Variants in MDGA2 observed in about 807,000 individuals in gnomAD.
MDGA2 encodes the protein MAM domain containing glycosylphosphatidylinositol anchor 2, also known as MAM domain-containing glycosylphosphatidylinositol anchor protein 2.
Under a neutral mutation model 117.8 loss-of-function variants are expected in MDGA2, and 40 were observed. The ratio of observed to expected loss-of-function variants is 0.34; its 90% CI spans 0.26 to 0.44. The LOEUF (loss-of-function observed/expected upper bound fraction) is 0.44, where lower values mean the gene tolerates loss of function less well. MDGA2 is among the 20% of genes least tolerant of loss of function. The probability of loss-of-function intolerance (pLI) is 1.00; values close to 1 mark genes in which losing one functional copy is unlikely to be tolerated. For missense variants in MDGA2, 1,123 were observed against 1,250.6 expected (o/e 0.90, Z 1.54); for synonymous variants, 452 against 439.0 (o/e 1.03, Z -0.37).
chr14:47,379,484 C>G (rs541665606), intron 1 of MDGA2, among the ~76,000 whole-genome samples: 5 of 152,210 alleles, frequency 3.3e-5, no homozygotes, highest in African/African-American at 1.2e-4. Flanking sequence ...ATCTCACGTG[C>G]AGAGACACAC....
chr14:47,263,103 G>T (rs1256119542), intron 2 of MDGA2, among the ~76,000 whole-genome samples: 1 of 152,028 alleles, frequency 6.6e-6, no homozygotes, highest in Non-Finnish European at 1.5e-5. Context: ...TTGCCTGCCT[G>T]CCAGTCTGGC....
rs78932566 is a variant in MDGA2 at position 46,847,452 on chromosome 14, A to G, written c.2884-1581T>C. On this transcript the variant is annotated intron_variant, in intron 15 of 16. Coordinates refer to ENST00000399232, the MANE Select transcript of MDGA2 (RefSeq NM_001113498.3). ...CAAGTTAGCAGTTTAGCAAATTCTC[A>G]GTCCTCAGATAGAATTTACAATGAA... is the stretch of plus-strand genomic sequence containing the variant. Among the ~76,000 whole-genome samples, 328 of 152,162 alleles carry G rather than the reference A, an allele frequency of 2.2e-3. 2 individuals carry two copies. Among genetic ancestry groups the G allele is most frequent in the African/African-American group, 7.6e-3 (317 of 41,570 alleles).
rs566260030 is a variant in MDGA2 at position 46,853,635 on chromosome 14, C to T, written c.2883+1389G>A. Among the ~76,000 whole-genome samples the T allele has an allele frequency of 2.7e-4, 40 of 150,684 alleles. 1 individual carries two copies. The South Asian group carries it at 4.0e-3, about 15-fold the overall frequency. On this transcript the variant is annotated intron_variant, in intron 15 of 16. Coordinates refer to ENST00000399232, the MANE Select transcript of MDGA2 (RefSeq NM_001113498.3). ...CTGAAAAGTTCTAAAAAAAAAACAA[C>T]AAGGATGCTATAATCAGTGGAAATC...
chr14:47,031,499 G>T (rs2138631769), intron 8 of MDGA2, among the ~76,000 whole-genome samples: 1 of 152,198 alleles, frequency 6.6e-6, no homozygotes, highest in East Asian at 1.9e-4. Context: ...GGCAGTTCCA[G>T]AATTTGTCAA....
At chr14:46,994,593 G>T (rs1887218342) in intron 8 of MDGA2, among the ~76,000 whole-genome samples, 1 of 151,626 alleles carries the variant, frequency 6.6e-6, no homozygotes, top group African/African-American at 2.4e-5. Context: ...ACATAAAAAT[G>T]AACATCAACA....
Position 47,531,657 on chromosome 14 carries a change from G to T in MDGA2, c.280+142860C>A, listed in dbSNP as rs555219723. 2.6e-5 allele frequency among the ~76,000 whole-genome samples: 4 copies of T among 152,282 alleles called. No homozygotes were observed. The South Asian group carries it at 8.3e-4, about 32-fold the overall frequency. On this transcript the variant is annotated intron_variant, in intron 1 of 16. Transcript: ENST00000399232. ...TTGTCATTCTATAGCACTAAACTAA[G>T]CAGTATTCTTTCATCTTAGTCGGGG...
rs1178533649 is a variant in MDGA2 at position 47,012,356 on chromosome 14, T to C, written c.1819+22655A>G. On this transcript the variant is annotated intron_variant, in intron 8 of 16. Coordinates refer to ENST00000399232, the MANE Select transcript of MDGA2 (RefSeq NM_001113498.3). ...TCAGAGTGAACATTTTCCACTGATT[T>C]ATTATATCATTTAGTAATTTTTTAT... is the stretch of plus-strand genomic sequence containing the variant. 2.0e-5 allele frequency among the ~76,000 whole-genome samples: 3 copies of C among 152,162 alleles called. No homozygotes were observed. In the East Asian group the frequency reaches 5.8e-4, roughly 29 times the overall value.
intron 1 of MDGA2, among the ~76,000 whole-genome samples, chr14:47,575,672 T>C (rs1896102823): frequency 6.6e-6 from 1 of 152,150 alleles, no homozygotes; most frequent in Non-Finnish European, 1.5e-5. Context: ...TTAGGGAACA[T>C]GTGTGTGAGC....
chr14:46,890,056 G>C (rs11157531), intron 10 of MDGA2, among the ~76,000 whole-genome samples: 1 of 151,970 alleles, frequency 6.6e-6, no homozygotes, highest in East Asian at 1.9e-4. Flanking sequence ...TTTGCTTTGG[G>C]AATTGCTCCT....
chr14:47,655,052 C>G (rs1010649803), intron 1 of MDGA2, among the ~76,000 whole-genome samples: 6 of 152,052 alleles, frequency 3.9e-5, no homozygotes, highest in Non-Finnish European at 7.4e-5. Flanking sequence ...TTTTAAAGAT[C>G]TAAAGGAGGC....
At chr14:47,000,400 A>AATATATAAAT (rs1555342236) in intron 8 of MDGA2, among the ~76,000 whole-genome samples, 3 of 115,604 alleles carry the variant, frequency 2.6e-5, no homozygotes, top group Non-Finnish European at 3.5e-5. Flanking sequence ...TTTATATATA[A>AATATATAAAT]ATATATATTT....
intron 3 of MDGA2, among the ~76,000 whole-genome samples, chr14:47,152,804 A>T (rs902658887): frequency 2.0e-5 from 3 of 152,232 alleles, no homozygotes; most frequent in Admixed American, 6.5e-5. Context: ...ACCTGAAAAG[A>T]TGATGCCTGA....
At chr14:47,536,535 T>C (rs887627563) in intron 1 of MDGA2, among the ~76,000 whole-genome samples, 3 of 152,348 alleles carry the variant, frequency 2.0e-5, no homozygotes, top group Non-Finnish European at 4.4e-5. Flanking sequence ...ATTGACTTGT[T>C]AATCACACCA....
intron 1 of MDGA2, among the ~76,000 whole-genome samples, chr14:47,449,599 A>C (rs547821283): frequency 6.6e-6 from 1 of 152,276 alleles, no homozygotes; most frequent in East Asian, 1.9e-4. Flanking sequence ...TAATAACATT[A>C]AAACTATAGC....
intron 2 of MDGA2, among the ~76,000 whole-genome samples, chr14:47,265,901 C>T (rs1887950297): frequency 6.6e-6 from 1 of 152,136 alleles, no homozygotes; most frequent in Non-Finnish European, 1.5e-5. Context: ...AATCACAACA[C>T]CTACCACATA....
At chr14:47,445,014 T>C (rs1893092409) in intron 1 of MDGA2, among the ~76,000 whole-genome samples, 1 of 152,172 alleles carries the variant, frequency 6.6e-6, no homozygotes, top group African/African-American at 2.4e-5. Context: ...TAAGACTTTA[T>C]CACAGTATCT....
intron 10 of MDGA2, among the ~76,000 whole-genome samples, chr14:46,898,205 T>G (rs998342254): frequency 6.6e-6 from 1 of 152,008 alleles, no homozygotes; most frequent in Non-Finnish European, 1.5e-5. Flanking sequence ...AAATATGAAA[T>G]ATAAATGGAA....
intron 1 of MDGA2, among the ~76,000 whole-genome samples, chr14:47,390,124 T>G (rs1374502545): frequency 3.9e-5 from 6 of 152,182 alleles, no homozygotes; most frequent in Non-Finnish European, 8.8e-5. Context: ...AAACGGTCCC[T>G]AAAGGCAAAT....
intron 2 of MDGA2, among the ~76,000 whole-genome samples, chr14:47,271,493 C>T (rs946800918): frequency 2.6e-5 from 4 of 152,052 alleles, no homozygotes; most frequent in Non-Finnish European, 4.4e-5. Flanking sequence ...ATGAGAATTG[C>T]GTATAAGTAG....
Sources: gnomAD v4.1 joint callset for allele counts (sites outside exome capture counted in the v4.1 genomes callset) on GRCh38, gnomAD v4.1.1 for gene constraint, MANE v1.5 for transcripts, NCBI Gene and HGNC (gene_info 2026-07-23, HGNC 2026-07-21) for gene names.